The following RIN2 variants were observed in gnomAD, a reference collection of about 807,000 sequenced individuals.
The protein encoded by RIN2 is RAB5 interacting protein 2.
In RIN2, 36 loss-of-function variants were observed where a neutral mutation model predicts 78.0. That is an observed-to-expected ratio of 0.46 (90% CI 0.35 to 0.61). RIN2 has a LOEUF of 0.61. RIN2 is among the 20% of genes least tolerant of loss of function. The pLI, the probability that RIN2 is intolerant of heterozygous loss-of-function variation, is 0.00. For missense variants in RIN2, 1,087 were observed against 1,159.7 expected (o/e 0.94, Z 0.91); for synonymous variants, 466 against 466.8 (o/e 1.00, Z 0.02).
chr20:19,884,933 T>C (rs1162336494), intron 2 of RIN2, among the ~76,000 whole-genome samples: 1 of 152,156 alleles, frequency 6.6e-6, no homozygotes, highest in African/African-American at 2.4e-5. Context: ...GTGAGTCACT[T>C]TTTCCTATTT....
At chr20:19,920,068 G>GCAGAT (rs900810357) in intron 3 of RIN2, among the ~76,000 whole-genome samples, 1 of 152,030 alleles carries the variant, frequency 6.6e-6, no homozygotes, top group African/African-American at 2.4e-5. Flanking sequence ...GCCGAGGCGG[G>GCAGAT]CAGATCACAA....
At chr20:19,860,940 A>T (rs1220638613) in intron 2 of RIN2, among the ~76,000 whole-genome samples, 1 of 152,234 alleles carries the variant, frequency 6.6e-6, no homozygotes, top group Non-Finnish European at 1.5e-5. Flanking sequence ...TTTGCAGATA[A>T]CCCAGGAAAG....
chr20:19,941,234 T>C (rs538702314), intron 4 of RIN2, among the ~76,000 whole-genome samples: 15 of 152,290 alleles, frequency 9.8e-5, no homozygotes, highest in Admixed American at 7.8e-4. Flanking sequence ...TGTGACAGCA[T>C]TGACATTATA....
intron 1 of RIN2, among the ~76,000 whole-genome samples, chr20:19,773,989 A>G (rs1253322317): frequency 6.6e-6 from 1 of 151,856 alleles, no homozygotes; most frequent in African/African-American, 2.4e-5. Context: ...TTTGCCCCTG[A>G]CCAGCACCCA....
intron 2 of RIN2, among the ~76,000 whole-genome samples, chr20:19,852,133 C>T (rs568790315): frequency 6.6e-6 from 1 of 152,284 alleles, no homozygotes; most frequent in South Asian, 2.1e-4. Context: ...TTCTATTGGG[C>T]AATGCAGGTC....
At chr20:19,815,238 G>A (rs943860741) in intron 2 of RIN2, among the ~76,000 whole-genome samples, 5 of 152,132 alleles carry the variant, frequency 3.3e-5, no homozygotes, top group Admixed American at 6.5e-5. Context: ...TCATTATTGA[G>A]AAAGCAATTT....
At position 19,977,104 on chromosome 20, in the gene RIN2, A is replaced by C. The variant is rs1442720528; in HGVS notation, c.1762+1317A>C. ...GCTGCCTTTTTCCCCATCCCACCAG[A>C]GACCCGCTCTCAAGGGAGACCATAT... On this transcript the variant is annotated intron_variant, in intron 9 of 12. Coordinates refer to ENST00000255006, the MANE Select transcript of RIN2 (RefSeq NM_018993.4). Among the ~76,000 whole-genome samples, 3 of 152,142 alleles carry C rather than the reference A, an allele frequency of 2.0e-5. No homozygotes were observed. In the East Asian group the frequency reaches 5.8e-4, roughly 29 times the overall value.
intron 1 of RIN2, among the ~76,000 whole-genome samples, chr20:19,768,358 C>G (rs1271112291): frequency 1.3e-5 from 2 of 152,254 alleles, no homozygotes; most frequent in African/African-American, 4.8e-5. Flanking sequence ...GCTCTGGAAA[C>G]AGTGGGAGCC....
At position 19,822,163 on chromosome 20, in the gene RIN2, G is replaced by A. The variant is rs140957543; in HGVS notation, c.-37+22416G>A. Reference sequence around the variant, plus strand: ...TTGTTTCTAGGTGGCTCACAGGTCTGAGCTTCCTGGGAGACCTGCAGACTA... The same window carrying A: ...TTGTTTCTAGGTGGCTCACAGGTCTAAGCTTCCTGGGAGACCTGCAGACTA... On this transcript the variant is annotated intron_variant, in intron 2 of 12. Transcript: ENST00000255006. Among the ~76,000 whole-genome samples, 959 of 152,306 alleles carry A rather than the reference G, an allele frequency of 6.3e-3. 4 individuals are homozygous for A. Among genetic ancestry groups the A allele is most frequent in the Non-Finnish European group, 0.011 (748 of 68,028 alleles).
chr20:19,807,327 A>G (rs117927193), intron 2 of RIN2, among the ~76,000 whole-genome samples: 1 of 152,210 alleles, frequency 6.6e-6, no homozygotes, highest in African/African-American at 2.4e-5. Flanking sequence ...TGCTTCCTCT[A>G]TCTTATGCCA....
intron 2 of RIN2, chr20:19,886,612 C>CTTTT (rs11362637): frequency 1.0e-3 from 520 of 520,682 alleles, no homozygotes; most frequent in South Asian, 2.3e-3. Context: ...TCTTCTTCTT[C>CTTTT]TTTTTTTTTT....
intron 10 of RIN2, 38 bp downstream of exon 10, chr20:19,990,349 C>A: frequency 6.4e-7 from 1 of 1,570,448 alleles, no homozygotes; most frequent in Non-Finnish European, 8.7e-7. Context: ...TGCCGCTTCC[C>A]TTCCGGGCCG....
At chr20:19,760,645 A>T (rs1452433854) in intron 1 of RIN2, among the ~76,000 whole-genome samples, 2 of 152,114 alleles carry the variant, frequency 1.3e-5, no homozygotes, top group Non-Finnish European at 2.9e-5. Context: ...GGTATCACAG[A>T]TGAAACACAG....
chr20:19,930,103 G>T (rs1441042478), intron 3 of RIN2, among the ~76,000 whole-genome samples: 2 of 151,976 alleles, frequency 1.3e-5, no homozygotes. Context: ...GGGGCTGGGG[G>T]GGATGCGAGG....
intron 1 of RIN2, among the ~76,000 whole-genome samples, chr20:19,766,342 T>A (rs2122348975): frequency 6.6e-6 from 1 of 152,306 alleles, no homozygotes; most frequent in South Asian, 2.1e-4. Flanking sequence ...TACACTTTAG[T>A]ATCAGCTTAG....
chr20:19,946,224 G>T (rs199537), intron 4 of RIN2, among the ~76,000 whole-genome samples: 58,417 of 151,928 alleles, frequency 0.38, 15,373 homozygotes, highest in African/African-American at 0.74. Flanking sequence ...ATGGGGTAGG[G>T]GCCCTGGAGG....
chr20:19,774,552 GA>G (rs2034245607), intron 1 of RIN2, among the ~76,000 whole-genome samples: 1 of 152,202 alleles, frequency 6.6e-6, no homozygotes, highest in Admixed American at 6.5e-5. Context: ...TAAAGGAATT[GA>G]AAATGCCTTG....
intron 2 of RIN2, among the ~76,000 whole-genome samples, chr20:19,854,632 CTT>C (rs1485473228): frequency 2.0e-5 from 3 of 152,116 alleles, no homozygotes; most frequent in South Asian, 2.1e-4. Context: ...ATTTTGTTCT[CTT>C]TGAAGCAATA....
intron 2 of RIN2, among the ~76,000 whole-genome samples, chr20:19,807,122 G>A (rs1332958530): frequency 1.3e-5 from 2 of 152,230 alleles, no homozygotes; most frequent in Non-Finnish European, 2.9e-5. Context: ...AAAAGTGCAT[G>A]AGTATAAGTG....
Sources: gnomAD v4.1 joint callset for allele counts (sites outside exome capture counted in the v4.1 genomes callset) on GRCh38, gnomAD v4.1.1 for gene constraint, MANE v1.5 for transcripts, NCBI Gene and HGNC (gene_info 2026-07-23, HGNC 2026-07-21) for gene names.